Variants in CHN2 observed in about 807,000 individuals in gnomAD.
CHN2 encodes the protein chimerin 2.
CHN2 carries 35 observed loss-of-function variants against 56.3 expected under a neutral mutation model. That is an observed-to-expected ratio of 0.62 (90% CI 0.47 to 0.82). The LOEUF is 0.82. Among genes scored for constraint, CHN2 ranks in the 40% least tolerant of loss-of-function variants. CHN2 has a pLI of 0.00. For synonymous variants in CHN2, 210 were observed against 212.8 expected, an observed-to-expected ratio of 0.99 and a Z score of 0.12; for missense variants, 491 against 580.5, an observed-to-expected ratio of 0.85 and a Z score of 1.58.
intron 1 of CHN2, chr7:29,332,862 T>C (rs535909503): frequency 6.6e-6 from 1 of 152,066 alleles, no homozygotes; most frequent in African/African-American, 2.4e-5. Context: ...GATGGGGTTA[T>C]GTGGACATAA....
intron 1 of CHN2, among the ~76,000 whole-genome samples, chr7:29,318,838 A>G (rs1327089668): frequency 6.6e-6 from 1 of 152,250 alleles, no homozygotes; most frequent in African/African-American, 2.4e-5. Context: ...ACAATAGAGA[A>G]GAATCTCATC....
At chr7:29,295,314 A>ACACACACACACACACACACAC (rs1793040636) in intron 1 of CHN2, among the ~76,000 whole-genome samples, 1 of 144,962 alleles carries the variant, frequency 6.9e-6, no homozygotes, top group African/African-American at 2.6e-5. Context: ...TTTAGCTGTG[A>ACACACACACACACACACACAC]ACACACACAC....
At chr7:29,315,697 T>C (rs925054612) in intron 1 of CHN2, among the ~76,000 whole-genome samples, 2 of 152,166 alleles carry the variant, frequency 1.3e-5, no homozygotes, top group Non-Finnish European at 2.9e-5. Context: ...TCAACAACTA[T>C]TTCTCAACCT....
intron 1 of CHN2, among the ~76,000 whole-genome samples, chr7:29,314,044 C>T (rs1794783337): frequency 1.3e-5 from 2 of 152,134 alleles, no homozygotes; most frequent in African/African-American, 4.8e-5. Flanking sequence ...GCAGAAATTC[C>T]ACTTCTGGGT....
In CHN2 at chr7:29,489,923, G is replaced by GT. The variant is rs977070362; in HGVS notation, c.655-6024dup. Among the ~76,000 whole-genome samples, 39 of 152,240 alleles carry GT rather than the reference G, an allele frequency of 2.6e-4. No homozygotes were observed. The South Asian group carries it at 5.4e-3, about 21-fold the overall frequency. Reference sequence around the variant, plus strand: ...AGAAAATCTGTGATTAGCCTATCCTGTTTTTCCTGAAACAATAGGCCAGTT... The same window carrying GT: ...AGAAAATCTGTGATTAGCCTATCCTGTTTTTTCCTGAAACAATAGGCCAGTT... On this transcript the variant is annotated intron_variant, in intron 7 of 12. Transcript: ENST00000222792.
At chr7:29,278,500 T>G (rs1054390133) in intron 1 of CHN2, among the ~76,000 whole-genome samples, 1 of 151,702 alleles carries the variant, frequency 6.6e-6, no homozygotes, top group Non-Finnish European at 1.5e-5. Flanking sequence ...TGAGCCACAG[T>G]TTGCCAATGA....
chr7:29,283,002 T>A (rs987603491), intron 1 of CHN2, among the ~76,000 whole-genome samples: 9 of 152,076 alleles, frequency 5.9e-5, no homozygotes, highest in African/African-American at 2.2e-4. Context: ...ATAGCAAAAG[T>A]GGCAGCAAAG....
intron 1 of CHN2, among the ~76,000 whole-genome samples, chr7:29,224,086 AAATG>A (rs1181417580): frequency 2.0e-5 from 3 of 152,204 alleles, no homozygotes; most frequent in African/African-American, 7.2e-5. Context: ...TAGCAGCAGC[AAATG>A]AACATGGCGG....
At chr7:29,323,194 A>G (rs749597283) in intron 1 of CHN2, among the ~76,000 whole-genome samples, 38 of 129,580 alleles carry the variant, frequency 2.9e-4, no homozygotes, top group Non-Finnish European at 4.9e-4. Context: ...GCTTGCTTGT[A>G]TTGGCACTGG....
chr7:29,361,574 G>A (rs1434064310), intron 2 of CHN2, among the ~76,000 whole-genome samples: 1 of 152,206 alleles, frequency 6.6e-6, no homozygotes, highest in African/African-American at 2.4e-5. Context: ...CGCTTCTGGG[G>A]TTTGCCTTCC....
At chr7:29,198,114 A>G (rs1217593423) in intron 1 of CHN2, 8 of 450,478 alleles carry the variant, frequency 1.8e-5, no homozygotes, top group African/African-American at 1.6e-4. Context: ...CTTTCTGTTC[A>G]GGTAGCAGTG....
intron 1 of CHN2, among the ~76,000 whole-genome samples, chr7:29,202,010 T>G (rs3812392): frequency 6.6e-6 from 1 of 152,310 alleles, no homozygotes; most frequent in African/African-American, 2.4e-5. Flanking sequence ...TGAGGTATGA[T>G]TCAAGCTTTA....
At chr7:29,254,633 C>T (rs182618587) in intron 1 of CHN2, among the ~76,000 whole-genome samples, 1 of 152,094 alleles carries the variant, frequency 6.6e-6, no homozygotes, top group Non-Finnish European at 1.5e-5. Context: ...TCCCTTGTCA[C>T]CACCACTCAC....
chr7:29,158,560 G>C (rs539797266), intron 2 of CHN2, among the ~76,000 whole-genome samples: 1 of 152,096 alleles, frequency 6.6e-6, no homozygotes, highest in Admixed American at 6.5e-5. Flanking sequence ...TTACCAGAGA[G>C]GAAAATATTT....
chr7:29,355,223 G>A (rs994511997), intron 2 of CHN2, among the ~76,000 whole-genome samples: 51 of 151,966 alleles, frequency 3.4e-4, no homozygotes, highest in African/African-American at 1.1e-3. Context: ...CGCCTGCCTC[G>A]GCCTCCCAAA....
intron 2 of CHN2, among the ~76,000 whole-genome samples, chr7:29,164,072 A>G (rs1584501873): frequency 6.6e-6 from 1 of 152,336 alleles, no homozygotes; most frequent in Non-Finnish European, 1.5e-5. Context: ...TAACTTTTCA[A>G]GCTATAAAAT....
intron 2 of CHN2, among the ~76,000 whole-genome samples, chr7:29,149,772 C>A (rs1484375191): frequency 6.6e-6 from 1 of 152,074 alleles, no homozygotes; most frequent in African/African-American, 2.4e-5. Flanking sequence ...CAGCATCAAC[C>A]CAATCTCTGC....
intron 1 of CHN2, among the ~76,000 whole-genome samples, chr7:29,252,582 T>TTTTTTTTTTTG: frequency 5.3e-5 from 1 of 18,784 alleles, no homozygotes; most frequent in Non-Finnish European, 8.2e-5. Context: ...TTCTTTGTTT[T>TTTTTTTTTTTG]TTTTTTTTTT....
At chr7:29,446,630 G>A (rs1282724691) in intron 6 of CHN2, among the ~76,000 whole-genome samples, 1 of 152,220 alleles carries the variant, frequency 6.6e-6, no homozygotes, top group Non-Finnish European at 1.5e-5. Context: ...CGGTAAGGAA[G>A]ATGAGAGAGC....
Sources: allele counts gnomAD v4.1 joint callset (sites outside exome capture counted in the v4.1 genomes callset), GRCh38; gene constraint gnomAD v4.1.1; transcripts MANE v1.5; gene names NCBI Gene and HGNC (gene_info 2026-07-23, HGNC 2026-07-21).